Variants in PRKCE observed in about 807,000 individuals in gnomAD.
The protein encoded by PRKCE is protein kinase C epsilon type.
In PRKCE, 16 loss-of-function variants were observed where a neutral mutation model predicts 85.4. The ratio of observed to expected loss-of-function variants is 0.19; its 90% CI spans 0.13 to 0.28. PRKCE has a LOEUF of 0.28. PRKCE is among the 10% of genes least tolerant of loss of function. PRKCE has a pLI of 1.00. For missense variants in PRKCE, 573 were observed against 975.2 expected (o/e 0.59, Z 5.49); for synonymous variants, 388 against 371.5 (o/e 1.04, Z -0.51).
chr2:45,785,019 C>T (rs1285349982), intron 1 of PRKCE, among the ~76,000 whole-genome samples: 1 of 152,166 alleles, frequency 6.6e-6, no homozygotes, highest in African/African-American at 2.4e-5. Flanking sequence ...GAGAAACTCT[C>T]AGCTTAGGGC....
chr2:46,068,842 C>T lies in PRKCE; in HGVS notation c.1438-17366C>T, dbSNP rs144490629. ...GCTCAAGTAGGGACTTGTGAGATAC[C>T]AGATTGAAATTTAGATTACCACCAG... On this transcript the variant is annotated intron_variant, in intron 10 of 14. Coordinates refer to ENST00000306156, the MANE Select transcript of PRKCE (RefSeq NM_005400.3). This position sits in a 1 kb window ranked among gnomAD's most constrained non-coding sequence, Gnocchi z 4.3. 1.2e-4 allele frequency among the ~76,000 whole-genome samples: 18 copies of T among 152,268 alleles called. No individual in the cohort carries two copies. The highest frequency in any genetic ancestry group is 4.3e-4 in the African/African-American group (18 of 41,560).
chr2:45,884,981 A>G (rs1367754471), intron 2 of PRKCE, among the ~76,000 whole-genome samples: 3 of 84,232 alleles, frequency 3.6e-5, no homozygotes, highest in East Asian at 7.5e-4. Context: ...ATATATATAT[A>G]TATATATATA....
chr2:45,832,891 A>G (rs942045082), intron 1 of PRKCE, among the ~76,000 whole-genome samples: 5 of 152,232 alleles, frequency 3.3e-5, no homozygotes, highest in African/African-American at 9.6e-5. Context: ...TCACATAGGT[A>G]ACACATGTAG....
In PRKCE at chr2:45,697,198, A is replaced by G. The variant is rs1488360416; in HGVS notation, c.348+44750A>G. Among the ~76,000 whole-genome samples the G allele has an allele frequency of 6.6e-6, 1 of 152,174 alleles. No individual in the cohort carries two copies. Among genetic ancestry groups the G allele is most frequent in the Non-Finnish European group, 1.5e-5 (1 of 68,032 alleles). ...GACAGTGACTGCATCGTCCTTTCAA[A>G]GAGTCCATGCTCTACCTGGGAGGGC... On this transcript the variant is annotated intron_variant, in intron 1 of 14. Coordinates refer to ENST00000306156, the MANE Select transcript of PRKCE (RefSeq NM_005400.3). The surrounding 1 kb of genome is among the most constrained non-coding windows in gnomAD (Gnocchi z 4.2).
rs909930451 is a variant in PRKCE at position 45,895,981 on chromosome 2, C to T, written c.412+52918C>T. Among the ~76,000 whole-genome samples, 6 of 152,122 alleles carry T rather than the reference C, an allele frequency of 3.9e-5. No homozygotes were observed. The highest frequency in any genetic ancestry group is 7.2e-5 in the African/African-American group (3 of 41,412). On this transcript the variant is annotated intron_variant, in intron 2 of 14. Transcript: ENST00000306156. The surrounding 1 kb of genome is among the most constrained non-coding windows in gnomAD (Gnocchi z 4.8). The stretch of plus-strand genomic sequence containing the variant: ...ATGAAGGAGGGCACTTCAGGTAGAG[C>T]GTGGGCACTGCACAATGGTTGTCCT...
rs1158174106 is a variant in PRKCE, at chr2:45,652,933, G to C, written c.348+485G>C. Among the ~76,000 whole-genome samples, 1 of 152,100 alleles carries C rather than the reference G, an allele frequency of 6.6e-6. No homozygotes were observed. The highest frequency in any genetic ancestry group is 1.5e-5 in the Non-Finnish European group (1 of 68,016). On this transcript the variant is annotated intron_variant, in intron 1 of 14. Transcript: ENST00000306156. This position sits in a 1 kb window ranked among gnomAD's most constrained non-coding sequence, Gnocchi z 7.7. ...TATTTTTCCCTCCGAGAGGAAGCTG[G>C]CTTGTTTCTATTCTCTTGCATGGTG... is the stretch of plus-strand genomic sequence containing the variant.
rs369316393 is a variant in PRKCE at position 45,677,482 on chromosome 2, G to C, written c.348+25034G>C. On this transcript the variant is annotated intron_variant, in intron 1 of 14. Coordinates refer to ENST00000306156, the MANE Select transcript of PRKCE (RefSeq NM_005400.3). ...CGCCATTCTCCTGCCTCAGCCTCCCGAGTAGCTGGGACTACAGGCGCCCGC... is the reference window on the plus strand; with the variant it reads ...CGCCATTCTCCTGCCTCAGCCTCCCCAGTAGCTGGGACTACAGGCGCCCGC... Among the ~76,000 whole-genome samples, 236 of 151,830 alleles carry C rather than the reference G, an allele frequency of 1.6e-3. 6 individuals are homozygous for C. In the East Asian group the frequency reaches 0.032, roughly 21 times the overall value.
intron 1 of PRKCE, among the ~76,000 whole-genome samples, chr2:45,735,800 G>T (rs536864235): frequency 6.6e-6 from 1 of 152,350 alleles, no homozygotes; most frequent in Admixed American, 6.5e-5. Flanking sequence ...ACGCCAGGCA[G>T]GAGGTAAGGA....
intron 1 of PRKCE, among the ~76,000 whole-genome samples, chr2:45,765,838 G>A (rs1190580197): frequency 6.6e-6 from 1 of 152,180 alleles, no homozygotes; most frequent in Non-Finnish European, 1.5e-5. Context: ...TGCACAGAAG[G>A]GGATTTCCCT....
intron 9 of PRKCE, among the ~76,000 whole-genome samples, chr2:46,008,260 C>G (rs1019750735): frequency 1.3e-5 from 2 of 152,148 alleles, no homozygotes; most frequent in African/African-American, 4.8e-5. Flanking sequence ...TCTCCATATC[C>G]TGTTCCCACT....
intron 10 of PRKCE, among the ~76,000 whole-genome samples, chr2:46,017,159 T>A (rs2104845946): frequency 1.3e-5 from 2 of 152,198 alleles, no homozygotes; most frequent in South Asian, 4.1e-4. Context: ...TCCATCTCCA[T>A]GCCTCTTTTC....
At chr2:46,094,499 C>G (rs1340758096) in intron 11 of PRKCE, among the ~76,000 whole-genome samples, 1 of 152,116 alleles carries the variant, frequency 6.6e-6, no homozygotes, top group Non-Finnish European at 1.5e-5. Flanking sequence ...GAGCTGGAAG[C>G]CGTTATCCTC....
intron 1 of PRKCE, among the ~76,000 whole-genome samples, chr2:45,808,129 T>C (rs1329295181): frequency 2.0e-5 from 3 of 152,070 alleles, no homozygotes; most frequent in Non-Finnish European, 4.4e-5. Flanking sequence ...AGCCTCACAC[T>C]GCCACTTTTA....
intron 10 of PRKCE, among the ~76,000 whole-genome samples, chr2:46,011,604 G>A (rs1345379857): frequency 6.6e-6 from 1 of 152,158 alleles, no homozygotes; most frequent in East Asian, 1.9e-4. Flanking sequence ...AAGAAGAAAG[G>A]ACTCTGTGAC....
chr2:46,109,188 T>C (rs943004781), intron 11 of PRKCE, among the ~76,000 whole-genome samples: 3 of 152,194 alleles, frequency 2.0e-5, no homozygotes, highest in Non-Finnish European at 4.4e-5. Context: ...TCTTTTGCTT[T>C]TCCATACACA....
chr2:45,917,971 CG>C (rs1173937731), intron 2 of PRKCE, among the ~76,000 whole-genome samples: 1 of 152,128 alleles, frequency 6.6e-6, no homozygotes, highest in South Asian at 2.1e-4. Flanking sequence ...GCTCCGAGTG[CG>C]GGGCCCGCCA....
chr2:46,028,777 T>A (rs1017063139), intron 10 of PRKCE, among the ~76,000 whole-genome samples: 2 of 152,178 alleles, frequency 1.3e-5, no homozygotes, highest in Non-Finnish European at 2.9e-5. Context: ...GTATTAAGCT[T>A]GGTACTCATT....
intron 2 of PRKCE, among the ~76,000 whole-genome samples, chr2:45,939,373 G>T (rs551374435): frequency 5.3e-5 from 8 of 152,166 alleles, no homozygotes; most frequent in African/African-American, 1.9e-4. Context: ...CAGGCAGTTG[G>T]GCCTTGGAGC....
intron 1 of PRKCE, among the ~76,000 whole-genome samples, chr2:45,704,621 T>A (rs1254108353): frequency 1.3e-5 from 2 of 152,160 alleles, no homozygotes; most frequent in Non-Finnish European, 2.9e-5. Context: ...CTCTACCTCA[T>A]CTGAAAAGTG....
Sources: allele counts gnomAD v4.1 joint callset (sites outside exome capture counted in the v4.1 genomes callset), GRCh38; gene constraint gnomAD v4.1.1; non-coding constraint Gnocchi (gnomAD v3.1); transcripts MANE v1.5; gene names NCBI Gene and HGNC (gene_info 2026-07-23, HGNC 2026-07-21).